Variants in CERS6 observed in about 807,000 individuals in gnomAD.
CERS6 encodes LAG1 homolog, ceramide synthase 6.
A neutral mutation model predicts 56.8 loss-of-function variants in CERS6; 26 were observed. The observed-to-expected ratio is 0.46, with a 90% CI of 0.34 to 0.63. The LOEUF is 0.63. Ranked by LOEUF, CERS6 falls within the 30% of genes least tolerant of loss-of-function variation. CERS6 has a pLI of 0.01. For missense variants in CERS6, 415 were observed against 467.5 expected (o/e 0.89, Z 1.04); for synonymous variants, 164 against 173.3 (o/e 0.95, Z 0.42).
Position 168,539,235 on chromosome 2 carries a change from G to A in CERS6, c.171-8361G>A, listed in dbSNP as rs1367657245. Among the ~76,000 whole-genome samples the A allele has an allele frequency of 1.7e-3, 2 of 1,184 alleles. 1 individual carries two copies. The highest frequency in any genetic ancestry group is 1.7e-3 in the African/African-American group (2 of 1,154). The allele number at this position is 1,184 out of a possible 152,430, so 0.8% of individuals were successfully genotyped here. On this transcript the variant is annotated intron_variant, in intron 1 of 9. Transcript: ENST00000305747. ...CCGCCTCGGCCTCCCAAAGTGCTGG[G>A]ATTACAGGCGTGAGCCACCGCGCCC... is the stretch of plus-strand genomic sequence containing the variant.
At chr2:168,607,292 C>G (rs1042275582) in intron 3 of CERS6, among the ~76,000 whole-genome samples, 5 of 152,238 alleles carry the variant, frequency 3.3e-5, no homozygotes, top group African/African-American at 9.6e-5. Flanking sequence ...AACATCTTTC[C>G]TTACTTTGAT....
chr2:168,473,725 G>A (rs767933866), intron 1 of CERS6, among the ~76,000 whole-genome samples: 11 of 151,034 alleles, frequency 7.3e-5, no homozygotes, highest in Non-Finnish European at 1.0e-4. Context: ...CCCCATACAC[G>A]AAAAAAATAA....
chr2:168,613,613 C>T (rs923987937), intron 3 of CERS6, among the ~76,000 whole-genome samples: 1 of 152,194 alleles, frequency 6.6e-6, no homozygotes, highest in Non-Finnish European at 1.5e-5. Context: ...CCAGAAGAGA[C>T]ACTTAAACTT....
At chr2:168,608,222 G>A (rs1563085) in intron 3 of CERS6, among the ~76,000 whole-genome samples, 151,396 of 152,364 alleles carry the variant, frequency 0.99, 75,225 homozygotes, top group East Asian at 1. Flanking sequence ...ATATATGAGT[G>A]CTTCATTTGA....
chr2:168,756,024 A>G (rs1245970764), intron 8 of CERS6, among the ~76,000 whole-genome samples: 3 of 152,208 alleles, frequency 2.0e-5, no homozygotes, highest in Admixed American at 6.5e-5. Flanking sequence ...AGCATTCCCC[A>G]CTTGGGCCCA....
At chr2:168,583,444 A>G (rs1683467852) in intron 3 of CERS6, among the ~76,000 whole-genome samples, 1 of 152,228 alleles carries the variant, frequency 6.6e-6, no homozygotes, top group Non-Finnish European at 1.5e-5. Flanking sequence ...AGCCAACTAC[A>G]GAATCTTTTT....
Position 168,769,777 on chromosome 2 carries a change from T to G in CERS6, c.*115T>G. On this transcript the variant is annotated 3_prime_UTR_variant, in exon 10 of 10. Transcript: ENST00000305747. Reference sequence around the variant, plus strand: ...TCAGCACCAGAAACAAAAATTAAGATTATCAAAGCATTTTGAATAGTGCAC... The same window carrying G: ...TCAGCACCAGAAACAAAAATTAAGAGTATCAAAGCATTTTGAATAGTGCAC... 9.2e-7 allele frequency: 1 copy of G among 1,085,288 alleles called. No homozygotes were observed. Among genetic ancestry groups the G allele is most frequent in the East Asian group, 2.4e-5 (1 of 41,302 alleles). 67.2% of individuals were successfully genotyped at this position (1,085,288 alleles called of 1,614,324 possible).
intron 3 of CERS6, among the ~76,000 whole-genome samples, chr2:168,616,670 T>C (rs576980013): frequency 6.6e-6 from 1 of 152,278 alleles, no homozygotes; most frequent in South Asian, 2.1e-4. Context: ...AAAGGCCTTG[T>C]CCAACAGGAA....
chr2:168,637,777 T>G (rs1049236850), intron 4 of CERS6, among the ~76,000 whole-genome samples: 1 of 152,182 alleles, frequency 6.6e-6, no homozygotes, highest in South Asian at 2.1e-4. Context: ...ATGTATGTGT[T>G]TTACTGTGGT....
chr2:168,522,589 G>A (rs1178440671), intron 1 of CERS6, among the ~76,000 whole-genome samples: 1 of 151,972 alleles, frequency 6.6e-6, no homozygotes, highest in East Asian at 1.9e-4. Context: ...CTAGAGTGCA[G>A]TGGTACAATC....
intron 4 of CERS6, among the ~76,000 whole-genome samples, chr2:168,667,652 G>A (rs1295970529): frequency 2.0e-5 from 3 of 151,856 alleles, no homozygotes; most frequent in Non-Finnish European, 1.5e-5. Flanking sequence ...CTGACAACTC[G>A]GAGTCATCAT....
In CERS6 at chr2:168,765,674, C is replaced by T. The variant is rs776890454; in HGVS notation, c.928C>T (p.Leu310=). Residue 310 remains leucine, a synonymous_variant, in exon 9 of 10, where the codon CTA becomes TTA. Transcript: ENST00000305747. ...SWWVFNLLLL[L]VQGLNCFWSY... is the part of the protein sequence containing the mutation. ...GTGGGTTTTTAACCTACTGCTATTG[C>T]TAGTACAAGGGTTGAACTGCTTCTG... The T allele has an allele frequency of 1.5e-5, 24 of 1,614,030 alleles. No homozygotes were observed. The East Asian group carries it at 2.9e-4, about 19-fold the overall frequency.
At position 168,774,066 on chromosome 2, in the gene CERS6, A is replaced by G. The variant is rs1684934175; in HGVS notation, c.*4404A>G. On this transcript the variant is annotated 3_prime_UTR_variant, in exon 10 of 10. Coordinates refer to ENST00000305747, the MANE Select transcript of CERS6 (RefSeq NM_203463.3). Reference sequence around the variant, plus strand: ...AGGAGAAGCTTGGTCTTTTCCAGGTATTTCCAACTTGAGTTCAACCCAAAG... The same window carrying G: ...AGGAGAAGCTTGGTCTTTTCCAGGTGTTTCCAACTTGAGTTCAACCCAAAG... 1 of 152,212 alleles carries G rather than the reference A, an allele frequency of 6.6e-6. No homozygotes were observed. Among genetic ancestry groups the G allele is most frequent in the Non-Finnish European group, 1.5e-5 (1 of 68,056 alleles). 9.4% of individuals were successfully genotyped at this position (152,212 alleles called of 1,614,324 possible). A position where few individuals can be genotyped will look rare whatever the true frequency, so the allele number is the denominator to read the frequency against.
chr2:168,747,293 T>A (rs1438184252), intron 8 of CERS6, among the ~76,000 whole-genome samples: 2 of 30,402 alleles, frequency 6.6e-5, no homozygotes, highest in African/African-American at 1.1e-4. Context: ...CTCAACAAAT[T>A]TTTTTTTTTT....
In CERS6 at chr2:168,595,435, T is replaced by C. The variant is rs541246146; in HGVS notation, c.407+34113T>C. On this transcript the variant is annotated intron_variant, in intron 3 of 9. Transcript: ENST00000305747. ...GGTTAGATTGAATGTTGAGACACTT[T>C]GGGGAGTGTAAAAATCAATGATTGA... Among the ~76,000 whole-genome samples, 7 of 152,332 alleles carry C rather than the reference T, an allele frequency of 4.6e-5. No individual in the cohort carries two copies. In the South Asian group the frequency reaches 1.4e-3, roughly 32 times the overall value.
At chr2:168,682,477 A>C (rs1440813851) in intron 4 of CERS6, among the ~76,000 whole-genome samples, 1 of 152,194 alleles carries the variant, frequency 6.6e-6, no homozygotes, top group Admixed American at 6.5e-5. Context: ...CTTAACTTAA[A>C]ATATGAATGT....
At chr2:168,474,098 C>T (rs79293527) in intron 1 of CERS6, among the ~76,000 whole-genome samples, 8,381 of 152,250 alleles carry the variant, frequency 0.055, 338 homozygotes, top group East Asian at 0.18. Context: ...ATGGTATATT[C>T]TGAGTCTTGC....
At chr2:168,760,155 G>A (rs2105457571) in intron 8 of CERS6, among the ~76,000 whole-genome samples, 1 of 152,230 alleles carries the variant, frequency 6.6e-6, no homozygotes, top group African/African-American at 2.4e-5. Flanking sequence ...TCCCTAGAGA[G>A]ACAGAACTAA....
rs1441083684 is a variant in CERS6, at chr2:168,584,566, T to G, written c.407+23244T>G. Among the ~76,000 whole-genome samples, 5 of 152,226 alleles carry G rather than the reference T, an allele frequency of 3.3e-5. No individual in the cohort carries two copies. In the East Asian group the frequency reaches 7.7e-4, roughly 23 times the overall value. On this transcript the variant is annotated intron_variant, in intron 3 of 9. Transcript: ENST00000305747. Reference sequence around the variant, plus strand: ...AATTTATTTTTACACAATTTCCCTGTTTCACTGTAGACCTTTTCCCTAACA... The same window carrying G: ...AATTTATTTTTACACAATTTCCCTGGTTCACTGTAGACCTTTTCCCTAACA...
Sources: allele counts gnomAD v4.1 joint callset (sites outside exome capture counted in the v4.1 genomes callset), GRCh38; gene constraint gnomAD v4.1.1; transcripts MANE v1.5; gene names NCBI Gene and HGNC (gene_info 2026-07-23, HGNC 2026-07-21).